TWNK: variants seen among roughly 807,000 people sequenced by gnomAD.
The protein encoded by TWNK is T7 gp4-like protein with intramitochondrial nucleoid localization.
TWNK carries 36 observed loss-of-function variants against 58.2 expected under a neutral mutation model. The observed-to-expected ratio is 0.62, with a 90% CI of 0.47 to 0.82. The LOEUF is 0.82. TWNK is among the 40% of genes least tolerant of loss of function. The probability of loss-of-function intolerance (pLI) is 0.00; values close to 1 mark genes in which losing one functional copy is unlikely to be tolerated. For synonymous variants in TWNK, 349 were observed against 348.5 expected (o/e 1.00, Z -0.02); for missense variants, 714 against 881.0 (o/e 0.81, Z 2.40).
chr10:100,987,584 G>C lies in TWNK; in HGVS notation c.-627G>C. 7.8e-7 allele frequency: 1 copy of C among 1,290,236 alleles called. No homozygotes were observed. Among genetic ancestry groups the C allele is most frequent in the South Asian group, 1.5e-5 (1 of 65,382 alleles). 79.9% of individuals were successfully genotyped at this position (1,290,236 alleles called of 1,614,324 possible). ...CGAGTAGCATGTGCGGGAGACTCAC[G>C]TTGCCGGCGAAGTGGGAGAGAGAAA... On this transcript the variant is annotated 5_prime_UTR_variant, in exon 1 of 5. Transcript: ENST00000311916.
Position 100,989,878 on chromosome 10 carries a change from G to A in TWNK, c.1478G>A (p.Ser493Asn). Reference protein sequence around the residue: ...LYFMTFHGQQSIRTVIDTMQH... With the variant: ...LYFMTFHGQQNIRTVIDTMQH... ...TTCATGACTTTCCATGGACAGCAAAGCATCAGGTGAGACTCCCAGATTCCA... is the reference window on the plus strand; with the variant it reads ...TTCATGACTTTCCATGGACAGCAAAACATCAGGTGAGACTCCCAGATTCCA... Residue 493 changes from serine (S) to asparagine (N), a missense_variant, in exon 2 of 5, where the codon AGC (serine) becomes AAC (asparagine). This residue lies in a region of TWNK where 302 missense variants were observed against 438.6 expected (regional missense o/e 0.69). Coordinates refer to ENST00000311916, the MANE Select transcript of TWNK (RefSeq NM_021830.5). This position sits in a 1 kb window ranked among gnomAD's most constrained non-coding sequence, Gnocchi z 7.6. The A allele has an allele frequency of 1.2e-6, 2 of 1,614,188 alleles. No homozygotes were observed. The highest frequency in any genetic ancestry group is 1.1e-5 in the South Asian group (1 of 91,084).
Sources: gnomAD v4.1 joint callset for allele counts on GRCh38, gnomAD v4.1.1 for gene constraint, gnomAD v4.1.1 regional missense constraint, Gnocchi (gnomAD v3.1) non-coding constraint, MANE v1.5 for transcripts, NCBI Gene and HGNC (gene_info 2026-07-23, HGNC 2026-07-21) for gene names.